The following UMAD1 variants were observed in gnomAD, a reference collection of about 807,000 sequenced individuals.
UMAD1 encodes UBAP1-MVB12-associated (UMA) domain containing 1.
UMAD1 carries 8 observed loss-of-function variants against 6.1 expected under a neutral mutation model. The ratio of observed to expected loss-of-function variants is 1.30; its 90% CI spans 0.76 to 2.35. UMAD1 has a LOEUF of 2.35. Among genes scored for constraint, UMAD1 ranks in the 30% most tolerant of loss-of-function variants. The pLI is 0.00. For missense variants in UMAD1, 130 were observed against 78.4 expected, an observed-to-expected ratio of 1.66 and a Z score of -2.49; for synonymous variants, 56 against 31.4, an observed-to-expected ratio of 1.78 and a Z score of -2.61.
intron 1 of UMAD1, among the ~76,000 whole-genome samples, chr7:7,653,031 C>A (rs1785258926): frequency 6.6e-6 from 1 of 152,178 alleles, no homozygotes; most frequent in East Asian, 1.9e-4. Context: ...GAGGTGTGAC[C>A]TCACATCCCA....
chr7:7,663,532 T>C (rs1785529749), intron 1 of UMAD1, among the ~76,000 whole-genome samples: 1 of 152,172 alleles, frequency 6.6e-6, no homozygotes, highest in African/African-American at 2.4e-5. Flanking sequence ...AGAGTCTTTA[T>C]GTAATACTAA....
chr7:7,872,595 A>G (rs1784350333), intron 3 of UMAD1, among the ~76,000 whole-genome samples: 1 of 152,240 alleles, frequency 6.6e-6, no homozygotes, highest in East Asian at 1.9e-4. Context: ...TAGACACACA[A>G]AGTGAGCACA....
At chr7:7,725,281 G>A (rs1245754576) in intron 2 of UMAD1, among the ~76,000 whole-genome samples, 1 of 152,202 alleles carries the variant, frequency 6.6e-6, no homozygotes, top group Non-Finnish European at 1.5e-5. Context: ...CCGAAAGGCT[G>A]CCAGTTTGAG....
At position 7,827,177 on chromosome 7, in the gene UMAD1, G is replaced by GTGTGTGTGTGTGTGTGTA. The variant is rs34214373; in HGVS notation, c.156+25435_156+25436insGTGTGTGTGTGTGTGTAT. Among the ~76,000 whole-genome samples, 111 of 147,176 alleles carry GTGTGTGTGTGTGTGTGTA rather than the reference G, an allele frequency of 7.5e-4. 1 individual carries two copies. The highest frequency in any genetic ancestry group is 2.9e-3 in the African/African-American group (110 of 38,072). The stretch of plus-strand genomic sequence containing the variant: ...TGTGTGTGTGTGTGTGTGTGTGTGT[G>GTGTGTGTGTGTGTGTGTA]TATCACATGAAAATTTAAATAATGG... On this transcript the variant is annotated intron_variant, in intron 3 of 3. Transcript: ENST00000682710.
chr7:7,661,523 C>G (rs1464996065), intron 1 of UMAD1, among the ~76,000 whole-genome samples: 1 of 152,148 alleles, frequency 6.6e-6, no homozygotes, highest in Non-Finnish European at 1.5e-5. Flanking sequence ...GATGTTGATG[C>G]TCCTCCTTTC....
intron 3 of UMAD1, among the ~76,000 whole-genome samples, 154 bp downstream of exon 3, chr7:7,801,897 A>G (rs994494953): frequency 1.3e-5 from 2 of 152,262 alleles, no homozygotes; most frequent in South Asian, 4.1e-4. Context: ...AGTGGAGAGC[A>G]GTACAGGGAG....
chr7:7,670,181 A>G (rs939916240), intron 1 of UMAD1, among the ~76,000 whole-genome samples: 2 of 152,208 alleles, frequency 1.3e-5, no homozygotes, highest in African/African-American at 2.4e-5. Flanking sequence ...TTTTATAACA[A>G]CTTAAACTTT....
intron 1 of UMAD1, among the ~76,000 whole-genome samples, chr7:7,666,795 G>A (rs924606179): frequency 3.3e-5 from 5 of 151,832 alleles, no homozygotes; most frequent in African/African-American, 1.2e-4. Flanking sequence ...GGTTTGGACA[G>A]ATGAATTTAT....
chr7:7,675,506 A>G (rs1225546407), intron 2 of UMAD1, among the ~76,000 whole-genome samples: 1 of 152,170 alleles, frequency 6.6e-6, no homozygotes, highest in East Asian at 1.9e-4. Context: ...AGTATTATCT[A>G]CTATGGATCT....
intron 2 of UMAD1, among the ~76,000 whole-genome samples, chr7:7,741,361 G>T (rs866028019): frequency 9.1e-4 from 138 of 151,944 alleles, no homozygotes; most frequent in African/African-American, 3.3e-3. Flanking sequence ...CACGAGGTCA[G>T]GAGATCCAGA....
intron 2 of UMAD1, among the ~76,000 whole-genome samples, chr7:7,796,240 CTTTCTTTTTTTTT>C (rs1782675631): frequency 1.0e-5 from 1 of 95,984 alleles, no homozygotes; most frequent in African/African-American, 5.7e-5. Context: ...TTTCTATTTT[CTTTCTTTTTTTTT>C]TTTTTTTTTT....
At chr7:7,737,286 G>C (rs896661497) in intron 2 of UMAD1, among the ~76,000 whole-genome samples, 1 of 152,180 alleles carries the variant, frequency 6.6e-6, no homozygotes, top group African/African-American at 2.4e-5. Context: ...GTGAAACAAG[G>C]ATGATGACAT....
chr7:7,658,552 G>GC (rs1402979854), intron 1 of UMAD1, among the ~76,000 whole-genome samples: 3 of 152,266 alleles, frequency 2.0e-5, no homozygotes, highest in Admixed American at 1.3e-4. Context: ...GGCCTTTTCT[G>GC]CATCTATTGA....
intron 2 of UMAD1, among the ~76,000 whole-genome samples, chr7:7,734,484 G>A (rs1330651731): frequency 1.3e-5 from 2 of 151,874 alleles, no homozygotes; most frequent in Non-Finnish European, 2.9e-5. Context: ...GCTGTATTTT[G>A]GTGCTTTTAC....
intron 2 of UMAD1, among the ~76,000 whole-genome samples, chr7:7,754,550 T>C (rs1781738966): frequency 6.6e-6 from 1 of 152,212 alleles, no homozygotes; most frequent in African/African-American, 2.4e-5. Context: ...TGTTTTACAG[T>C]TGTTCAGATC....
intron 3 of UMAD1, among the ~76,000 whole-genome samples, chr7:7,858,295 T>C (rs1023338355): frequency 3.3e-5 from 5 of 152,332 alleles, no homozygotes; most frequent in Non-Finnish European, 2.9e-5. Context: ...GTATCAGGGC[T>C]CGTATTTTAA....
intron 3 of UMAD1, among the ~76,000 whole-genome samples, chr7:7,835,500 T>TTTTTTTTTA (rs776524699): frequency 9.8e-6 from 1 of 102,444 alleles, no homozygotes; most frequent in Non-Finnish European, 2.0e-5. Flanking sequence ...TTTTTTTTTT[T>TTTTTTTTTA]AGCTCTTAGC....
At chr7:7,696,920 A>G (rs936367544) in intron 2 of UMAD1, among the ~76,000 whole-genome samples, 3 of 151,750 alleles carry the variant, frequency 2.0e-5, no homozygotes, top group Non-Finnish European at 2.9e-5. Context: ...TCACAGATTT[A>G]TTGATTTTTC....
At chr7:7,695,910 G>A (rs1780303541) in intron 2 of UMAD1, among the ~76,000 whole-genome samples, 1 of 151,762 alleles carries the variant, frequency 6.6e-6, no homozygotes, top group Admixed American at 6.5e-5. Flanking sequence ...TGGCAGGAGT[G>A]TGAAACAGTG....
Sources: gnomAD v4.1 joint callset for allele counts (sites outside exome capture counted in the v4.1 genomes callset) on GRCh38, gnomAD v4.1.1 for gene constraint, MANE v1.5 for transcripts, NCBI Gene and HGNC (gene_info 2026-07-23, HGNC 2026-07-21) for gene names.